The following CHST15 variants were observed in gnomAD, a reference collection of about 807,000 sequenced individuals.
The protein encoded by CHST15 is B cell RAG associated protein (GALNAC4S-6ST).
In CHST15, 30 loss-of-function variants were observed where a neutral mutation model predicts 53.6. The observed-to-expected ratio is 0.56, with a 90% CI of 0.42 to 0.76. The LOEUF is 0.76. Ranked by LOEUF, CHST15 falls within the 30% of genes least tolerant of loss-of-function variation. CHST15 has a pLI of 0.00. For synonymous variants in CHST15, 296 were observed against 289.8 expected (o/e 1.02, Z -0.22); for missense variants, 627 against 740.5 (o/e 0.85, Z 1.78).
At chr10:124,047,668 G>A (rs1036674510) in intron 1 of CHST15, among the ~76,000 whole-genome samples, 6 of 152,122 alleles carry the variant, frequency 3.9e-5, no homozygotes, top group African/African-American at 1.4e-4. Flanking sequence ...AGTAAAATTA[G>A]GATAATAAGG....
Position 124,009,924 on chromosome 10 carries a change from G to C in CHST15, c.*225C>G. The C allele has an allele frequency of 7.3e-7, 1 of 1,373,230 alleles. No individual in the cohort carries two copies. Among genetic ancestry groups the C allele is most frequent in the Non-Finnish European group, 9.4e-7 (1 of 1,063,570 alleles). The allele number at this position is 1,373,230 out of a possible 1,614,324, so 85.1% of individuals were successfully genotyped here. On this transcript the variant is annotated 3_prime_UTR_variant, in exon 8 of 8. Transcript: ENST00000435907. ...GCAGAGCTGAATTCTTGAGAAACTG[G>C]GGTCTCCAATGGCCTCGGATAGAGG...
In CHST15 at chr10:124,038,621, A is replaced by G. The variant is rs1345465697; in HGVS notation, c.1084T>C (p.Tyr362His). 1 of 1,614,048 alleles carries G rather than the reference A, an allele frequency of 6.2e-7. No homozygotes were observed. Among genetic ancestry groups the G allele is most frequent in the Non-Finnish European group, 8.5e-7 (1 of 1,180,040 alleles). The stretch of plus-strand genomic sequence containing the variant: ...GGCTCGCCATCCGTGCTGTTGTCGT[A>G]GAAGAACGTCCAGGCATTATTATCC... ...MWDNNAWTFF[Y>H]DNSTDGEPPF... Residue 362 changes from tyrosine (Y) to histidine (H), a missense_variant, in exon 5 of 8, where the codon TAC becomes CAC. Tyr to His is a moderately conservative substitution (Grantham distance 83, BLOSUM62 2). Transcript: ENST00000435907.
At chr10:124,049,841 T>C (rs937005657) in intron 1 of CHST15, among the ~76,000 whole-genome samples, 3 of 152,094 alleles carry the variant, frequency 2.0e-5, no homozygotes, top group African/African-American at 7.2e-5. Context: ...TGGACAGATG[T>C]GCGGGTAACC....
chr10:124,022,783 A>C, intron 5 of CHST15, among the ~76,000 whole-genome samples: 1 of 144,694 alleles, frequency 6.9e-6, no homozygotes, highest in African/African-American at 2.6e-5. Context: ...TCTAGCCACC[A>C]ACCCCCTCGC....
Position 124,024,098 on chromosome 10 carries a change from G to T in CHST15, c.1191-2686C>A, listed in dbSNP as rs28419428. Among the ~76,000 whole-genome samples, 10,409 of 152,178 alleles carry T rather than the reference G, an allele frequency of 0.068. 488 individuals are homozygous for T. Among genetic ancestry groups the T allele is most frequent in the African/African-American group, 0.13 (5,436 of 41,506 alleles). On this transcript the variant is annotated intron_variant, in intron 5 of 7. Transcript: ENST00000435907. The surrounding 1 kb of genome is among the most constrained non-coding windows in gnomAD (Gnocchi z 4.0). ...GACCTCAGGTGATCCACCCACCTCA[G>T]CCTCCCAAAGTGCTGGGATTACGGG...
At chr10:124,010,479 G>T in intron 7 of CHST15, 140 bp from the exon 8 acceptor site, 1 of 1,410,062 alleles carries the variant, frequency 7.1e-7, no homozygotes. Context: ...AAATTCTTTG[G>T]CTGGATCCAT....
intron 1 of CHST15, among the ~76,000 whole-genome samples, chr10:124,062,995 C>G (rs1013957027): frequency 3.9e-5 from 6 of 152,066 alleles, no homozygotes; most frequent in Non-Finnish European, 7.3e-5. Flanking sequence ...GGGAGAGAGC[C>G]CTTCTCCACC....
chr10:124,086,910 C>T (rs557886058), intron 1 of CHST15, among the ~76,000 whole-genome samples: 4 of 152,298 alleles, frequency 2.6e-5, no homozygotes, highest in Admixed American at 6.5e-5. Context: ...CCTGAGTCAG[C>T]GTGGATCCCA....
chr10:124,016,510 C>A lies in CHST15; in HGVS notation c.1348-4030G>T, dbSNP rs138820851. On this transcript the variant is annotated intron_variant, in intron 6 of 7. Coordinates refer to ENST00000435907, the MANE Select transcript of CHST15 (RefSeq NM_001270764.2). Reference sequence around the variant, plus strand: ...TGGGGATCTCCTCTGAGCAGAGGCACCTGCTAAGCTACTGTCTTGTCATCC... The same window carrying A: ...TGGGGATCTCCTCTGAGCAGAGGCAACTGCTAAGCTACTGTCTTGTCATCC... Among the ~76,000 whole-genome samples, 345 of 152,276 alleles carry A rather than the reference C, an allele frequency of 2.3e-3. 3 individuals carry two copies. Among genetic ancestry groups the A allele is most frequent in the African/African-American group, 5.5e-3 (230 of 41,552 alleles).
chr10:124,015,645 A>G (rs549804888), intron 6 of CHST15, among the ~76,000 whole-genome samples: 3 of 152,180 alleles, frequency 2.0e-5, no homozygotes, highest in African/African-American at 4.8e-5. Flanking sequence ...ACTAGTCCCC[A>G]TTCATTCATT....
intron 1 of CHST15, among the ~76,000 whole-genome samples, chr10:124,047,729 T>C (rs1051339760): frequency 1.3e-5 from 2 of 152,218 alleles, no homozygotes; most frequent in Admixed American, 1.3e-4. Context: ...GTTTGAATAA[T>C]GCCTGCCACA....
In CHST15 at chr10:124,045,607, A is replaced by C. The variant is rs567514299; in HGVS notation, c.546+60T>G. The C allele has an allele frequency of 2.1e-5, 31 of 1,461,164 alleles. No individual in the cohort carries two copies. In the East Asian group the frequency reaches 6.9e-4, roughly 32 times the overall value. 90.5% of individuals were successfully genotyped at this position (1,461,164 alleles called of 1,614,324 possible). On this transcript the variant is annotated intron_variant, in intron 2 of 7. Transcript: ENST00000435907. ...TGTGTTCCCAAAGATGGTGATAGAAAGAAAAGCACTCATTTCTAAAAATCA... is the reference window on the plus strand; with the variant it reads ...TGTGTTCCCAAAGATGGTGATAGAACGAAAAGCACTCATTTCTAAAAATCA...
At chr10:124,010,942 A>G in intron 7 of CHST15, 1 of 985,394 alleles carries the variant, frequency 1.0e-6, no homozygotes, top group Non-Finnish European at 1.2e-6. Flanking sequence ...GCCTGCCGGC[A>G]AGGGCTGTCA....
chr10:124,056,538 G>A (rs1193368328), intron 1 of CHST15, among the ~76,000 whole-genome samples: 1 of 152,200 alleles, frequency 6.6e-6, no homozygotes, highest in East Asian at 1.9e-4. Flanking sequence ...GGTGCCAAGT[G>A]TGGGGACAGG....
At chr10:124,038,922 G>A (rs1947630122) in intron 4 of CHST15, among the ~76,000 whole-genome samples, 1 of 151,698 alleles carries the variant, frequency 6.6e-6, no homozygotes, top group African/African-American at 2.4e-5. Flanking sequence ...GCAACACTGA[G>A]TGCCCCCACC....
At chr10:124,082,950 G>T (rs182255850) in intron 1 of CHST15, among the ~76,000 whole-genome samples, 1 of 152,162 alleles carries the variant, frequency 6.6e-6, no homozygotes, top group Non-Finnish European at 1.5e-5. Context: ...AGATAAAGGG[G>T]TGATAGCTAA....
intron 5 of CHST15, among the ~76,000 whole-genome samples, chr10:124,032,069 A>G (rs555948321): frequency 6.6e-6 from 1 of 152,232 alleles, no homozygotes; most frequent in Admixed American, 6.5e-5. Context: ...GTGACTGCCT[A>G]TAACAGAATC....
At chr10:124,015,566 C>A (rs552239349) in intron 6 of CHST15, among the ~76,000 whole-genome samples, 3 of 152,188 alleles carry the variant, frequency 2.0e-5, no homozygotes, top group Admixed American at 1.3e-4. Context: ...TCTCCCCAGA[C>A]AGGTACCAGG....
In CHST15 at chr10:124,010,859, G is replaced by C; in HGVS notation, c.1496-520C>G. 4 of 985,432 alleles carry C rather than the reference G, an allele frequency of 4.1e-6. No homozygotes were observed. The Middle Eastern group carries it at 1.6e-3, about 386-fold the overall frequency. The allele number at this position is 985,432 out of a possible 1,614,324, so 61.0% of individuals were successfully genotyped here. ...GAAGTGGCCATAGGGAGGAGGGCTG[G>C]GAGGAGGCCACTTGTGCCCAGAGCC... On this transcript the variant is annotated intron_variant, in intron 7 of 7. Coordinates refer to ENST00000435907, the MANE Select transcript of CHST15 (RefSeq NM_001270764.2).
Sources: gnomAD v4.1 joint callset for allele counts (sites outside exome capture counted in the v4.1 genomes callset) on GRCh38, gnomAD v4.1.1 for gene constraint, Gnocchi (gnomAD v3.1) non-coding constraint, MANE v1.5 for transcripts, NCBI Gene and HGNC (gene_info 2026-07-23, HGNC 2026-07-21) for gene names.